The following ENTPD1 variants were observed in gnomAD, a reference collection of about 807,000 sequenced individuals.
ENTPD1 encodes ATP diphosphohydrolase.
In ENTPD1, 33 loss-of-function variants were observed where a neutral mutation model predicts 57.0. The ratio of observed to expected loss-of-function variants is 0.58; its 90% CI spans 0.44 to 0.77. The LOEUF (loss-of-function observed/expected upper bound fraction) is 0.77, where lower values mean the gene tolerates loss of function less well. ENTPD1 is among the 30% of genes least tolerant of loss of function. The pLI, the probability that ENTPD1 is intolerant of heterozygous loss-of-function variation, is 0.00. For synonymous variants in ENTPD1, 202 were observed against 218.8 expected, an observed-to-expected ratio of 0.92 and a Z score of 0.68; for missense variants, 501 against 603.4, an observed-to-expected ratio of 0.83 and a Z score of 1.78.
intron 1 of ENTPD1, among the ~76,000 whole-genome samples, chr10:95,782,959 C>A (rs2098163758): frequency 6.6e-6 from 1 of 152,084 alleles, no homozygotes; most frequent in African/African-American, 2.4e-5. Flanking sequence ...CAGCAACATA[C>A]AGGTTGGGCA....
Position 95,842,694 on chromosome 10 carries a change from TA to T in ENTPD1, c.413+210del, listed in dbSNP as rs113144749. The stretch of plus-strand genomic sequence containing the variant: ...TATAGGGGTAGGATTTTATGTATGT[TA>T]AAAAAAAAAGCCCCCTTGTGCATCT... On this transcript the variant is annotated intron_variant, in intron 4 of 9. Coordinates refer to ENST00000371205, the MANE Select transcript of ENTPD1 (RefSeq NM_001776.6). Among the ~76,000 whole-genome samples, 34,546 of 148,936 alleles carry T rather than the reference TA, an allele frequency of 0.23. 4,584 individuals carry two copies. Among genetic ancestry groups the T allele is most frequent in the African/African-American group, 0.36 (14,864 of 40,818 alleles).
intron 1 of ENTPD1, chr10:95,756,517 G>A: frequency 2.1e-6 from 1 of 468,338 alleles, no homozygotes; most frequent in Non-Finnish European, 3.7e-6. Flanking sequence ...TGTATTCAGA[G>A]TTGGTTTTTT....
intron 1 of ENTPD1, among the ~76,000 whole-genome samples, chr10:95,818,223 A>G (rs754853493): frequency 3.9e-5 from 6 of 152,246 alleles, no homozygotes; most frequent in Non-Finnish European, 8.8e-5. Context: ...TCATTCATTC[A>G]TACAACATGG....
Position 95,868,509 on chromosome 10 carries a change from G to C in ENTPD1, c.*2126G>C. The C allele has an allele frequency of 1.0e-6, 1 of 985,426 alleles. No homozygotes were observed. The highest frequency in any genetic ancestry group is 1.2e-6 in the Non-Finnish European group (1 of 829,940). 61.0% of individuals were successfully genotyped at this position (985,426 alleles called of 1,614,324 possible). A position where few individuals can be genotyped will look rare whatever the true frequency, so the allele number is the denominator to read the frequency against. ...AGATTGACATCAAATAGTGGCCGAT[G>C]ATGATGAAAATAAAGGTCAAATAAG... is the stretch of plus-strand genomic sequence containing the variant. On this transcript the variant is annotated 3_prime_UTR_variant, in exon 10 of 10. Transcript: ENST00000371205.
intron 1 of ENTPD1, among the ~76,000 whole-genome samples, chr10:95,822,023 G>T (rs1177721304): frequency 8.8e-6 from 1 of 114,206 alleles, no homozygotes; most frequent in Non-Finnish European, 1.8e-5. Context: ...TTTTTTGAGA[G>T]GGAGTTTCAC....
intron 1 of ENTPD1, among the ~76,000 whole-genome samples, chr10:95,796,542 C>T (rs1038698952): frequency 2.2e-4 from 33 of 152,228 alleles, no homozygotes; most frequent in African/African-American, 7.9e-4. Flanking sequence ...AGACCAACAC[C>T]TTAATACACA....
chr10:95,810,410 G>T (rs1284387890), intron 1 of ENTPD1, among the ~76,000 whole-genome samples: 1 of 150,274 alleles, frequency 6.7e-6, no homozygotes, highest in Admixed American at 6.6e-5. Context: ...CCTGGACAGG[G>T]CGGCTGGGCA....
intron 1 of ENTPD1, among the ~76,000 whole-genome samples, chr10:95,750,091 T>A (rs1027720015): frequency 6.6e-6 from 1 of 152,094 alleles, no homozygotes; most frequent in Non-Finnish European, 1.5e-5. Context: ...TAGACTTGGA[T>A]TGTAAGGAAA....
In ENTPD1 at chr10:95,869,410, C is replaced by A; in HGVS notation, c.*3027C>A. The A allele has an allele frequency of 1.5e-6, 1 of 669,470 alleles. No homozygotes were observed. The highest frequency in any genetic ancestry group is 6.7e-5 in the South Asian group (1 of 14,906). The allele number at this position is 669,470 out of a possible 1,614,324, so 41.5% of individuals were successfully genotyped here. Reference sequence around the variant, plus strand: ...GATTGCAGGTGCCCACCACCACACCCGGCTAATTTTTGTATTTTTAGTAAA... The same window carrying A: ...GATTGCAGGTGCCCACCACCACACCAGGCTAATTTTTGTATTTTTAGTAAA... On this transcript the variant is annotated 3_prime_UTR_variant, in exon 10 of 10. Coordinates refer to ENST00000371205, the MANE Select transcript of ENTPD1 (RefSeq NM_001776.6).
chr10:95,859,948 G>A (rs1329283377), intron 7 of ENTPD1, among the ~76,000 whole-genome samples: 1 of 152,052 alleles, frequency 6.6e-6, no homozygotes, highest in Non-Finnish European at 1.5e-5. Flanking sequence ...GTCTAAAATA[G>A]TACCTAGCCC....
intron 1 of ENTPD1, among the ~76,000 whole-genome samples, chr10:95,766,873 T>C (rs1004841523): frequency 6.6e-6 from 1 of 151,816 alleles, no homozygotes; most frequent in Admixed American, 6.6e-5. Flanking sequence ...TTAATTGTAC[T>C]TGTAGCAATC....
At chr10:95,766,851 G>C (rs1025656754) in intron 1 of ENTPD1, among the ~76,000 whole-genome samples, 1 of 151,018 alleles carries the variant, frequency 6.6e-6, no homozygotes, top group Non-Finnish European at 1.5e-5. Flanking sequence ...GTGAATAACG[G>C]ACATCTTACT....
At position 95,874,085 on chromosome 10, in the gene ENTPD1, A is replaced by G. The variant is rs963432439; in HGVS notation, c.*7702A>G. ...GGCTCCTCCAAATTTCATAATCCTC[A>G]CATTTCAAAACCAATCATTCCTTCC... is the stretch of plus-strand genomic sequence containing the variant. On this transcript the variant is annotated 3_prime_UTR_variant, in exon 10 of 10. Transcript: ENST00000371205. 1.3e-5 allele frequency among the ~76,000 whole-genome samples: 2 copies of G among 152,118 alleles called. No individual in the cohort carries two copies. The highest frequency in any genetic ancestry group is 2.9e-5 in the Non-Finnish European group (2 of 68,014).
chr10:95,733,323 T>C (rs181452864), intron 1 of ENTPD1, among the ~76,000 whole-genome samples: 41 of 152,332 alleles, frequency 2.7e-4, no homozygotes, highest in Admixed American at 4.6e-4. Flanking sequence ...ATCACTGTTA[T>C]CCTGTTCTTT....
chr10:95,695,002 G>T, the ENTPD1 span, among the ~76,000 whole-genome samples: 1 of 149,784 alleles, frequency 6.7e-6, no homozygotes, highest in Admixed American at 6.7e-5. Context: ...TAGGATTCAG[G>T]TGATTCTTCT....
intron 1 of ENTPD1, among the ~76,000 whole-genome samples, chr10:95,762,282 G>T (rs1425202978): frequency 6.6e-6 from 1 of 151,202 alleles, no homozygotes; most frequent in Admixed American, 6.6e-5. Flanking sequence ...TTATGTCCGT[G>T]AGGATACAAG....
intron 1 of ENTPD1, among the ~76,000 whole-genome samples, chr10:95,810,654 G>A (rs4074424): frequency 5.3e-5 from 8 of 152,036 alleles, no homozygotes; most frequent in Admixed American, 2.6e-4. Context: ...AGTAGGACAC[G>A]ACTTTCTGAG....
At chr10:95,839,883 A>G in intron 3 of ENTPD1, 75 bp downstream of exon 3, 1 of 1,480,554 alleles carries the variant, frequency 6.8e-7, no homozygotes, top group Middle Eastern at 1.8e-4. Flanking sequence ...CCAGTAGAAC[A>G]CAAGAGAAAA....
chr10:95,722,100 T>G lies in ENTPD1; in HGVS notation c.37+10107T>G, dbSNP rs188693117. Among the ~76,000 whole-genome samples, 15 of 152,242 alleles carry G rather than the reference T, an allele frequency of 9.9e-5. No individual in the cohort carries two copies. The South Asian group carries it at 1.0e-3, about 11-fold the overall frequency. ...TTTTGAGTCAGGATTGAGATAGATTTTTTTGATTCTATAAGTGCTTTAAGA... is the reference window on the plus strand; with the variant it reads ...TTTTGAGTCAGGATTGAGATAGATTGTTTTGATTCTATAAGTGCTTTAAGA... On this transcript the variant is annotated intron_variant, in intron 1 of 9. Coordinates refer to the ENTPD1 transcript ENST00000453258.
Sources: gnomAD v4.1 joint callset for allele counts (sites outside exome capture counted in the v4.1 genomes callset) on GRCh38, gnomAD v4.1.1 for gene constraint, MANE v1.5 for transcripts, NCBI Gene and HGNC (gene_info 2026-07-23, HGNC 2026-07-21) for gene names.